WWOX: variants seen among roughly 807,000 people sequenced by gnomAD.
WWOX encodes WW domain-containing oxidoreductase.
WWOX carries 69 observed loss-of-function variants against 46.2 expected under a neutral mutation model. The observed-to-expected ratio is 1.49, with a 90% CI of 1.23 to 1.82. The LOEUF is 1.82. Among genes scored for constraint, WWOX ranks in the 40% most tolerant of loss-of-function variants. The pLI is 0.00. For synonymous variants in WWOX, 359 were observed against 202.6 expected (o/e 1.77, Z -6.56); for missense variants, 919 against 542.6 (o/e 1.69, Z -6.89).
intron 5 of WWOX, among the ~76,000 whole-genome samples, chr16:78,377,659 A>T (rs1383648638): frequency 6.6e-6 from 1 of 152,212 alleles, no homozygotes; most frequent in Non-Finnish European, 1.5e-5. Context: ...AATATATTGC[A>T]TAGAGGGAAA....
intron 5 of WWOX, among the ~76,000 whole-genome samples, chr16:78,195,895 C>G (rs926986811): frequency 6.6e-6 from 1 of 151,002 alleles, no homozygotes; most frequent in African/African-American, 2.4e-5. Context: ...AGATTGAATT[C>G]CGTTCCAACT....
intron 6 of WWOX, among the ~76,000 whole-genome samples, chr16:78,417,040 G>GTGTGTGTGTGTGTGTGTGTGT (rs1555535317): frequency 3.5e-4 from 53 of 151,380 alleles, no homozygotes; most frequent in South Asian, 2.9e-3. Context: ...ACCCTTTGGG[G>GTGTGTGTGTGTGTGTGTGTGT]GTGTGTGTGT....
chr16:78,884,524 C>G (rs558277228), intron 8 of WWOX, among the ~76,000 whole-genome samples: 4 of 152,048 alleles, frequency 2.6e-5, no homozygotes, highest in Non-Finnish European at 5.9e-5. Flanking sequence ...GAATGAATGA[C>G]TTAGAACTAA....
chr16:79,148,967 C>G (rs1468237045), intron 8 of WWOX, among the ~76,000 whole-genome samples: 1 of 151,964 alleles, frequency 6.6e-6, no homozygotes, highest in African/African-American at 2.4e-5. Flanking sequence ...TTCTATCTAG[C>G]CTGTCATGTC....
intron 5 of WWOX, among the ~76,000 whole-genome samples, chr16:78,197,183 G>A (rs182086003): frequency 3.0e-4 from 45 of 152,234 alleles, no homozygotes; most frequent in African/African-American, 6.5e-4. Flanking sequence ...GAGGCTCGGC[G>A]ATACTAAGAA....
chr16:78,407,755 C>A (rs1402483322), intron 6 of WWOX, among the ~76,000 whole-genome samples: 2 of 152,144 alleles, frequency 1.3e-5, no homozygotes, highest in African/African-American at 2.4e-5. Context: ...TCCTGTAGAC[C>A]AAATGCCATA....
At chr16:78,524,167 C>G (rs927009338) in intron 8 of WWOX, among the ~76,000 whole-genome samples, 2 of 152,158 alleles carry the variant, frequency 1.3e-5, no homozygotes, top group African/African-American at 4.8e-5. Context: ...TCTTTCTGCT[C>G]TTTTTCTCTT....
chr16:78,774,568 C>T lies in WWOX; in HGVS notation c.1056+341816C>T, dbSNP rs184412854. On this transcript the variant is annotated intron_variant, in intron 8 of 8. Transcript: ENST00000566780. Reference sequence around the variant, plus strand: ...CACGCATGAGCCTGTACGTGTCCCCCTCCCCCCCCACACATATGCACATAA... The same window carrying T: ...CACGCATGAGCCTGTACGTGTCCCCTTCCCCCCCCACACATATGCACATAA... Among the ~76,000 whole-genome samples the T allele has an allele frequency of 2.0e-5, 3 of 151,868 alleles. No individual in the cohort carries two copies. The East Asian group carries it at 5.9e-4, about 30-fold the overall frequency.
intron 8 of WWOX, among the ~76,000 whole-genome samples, chr16:78,789,697 A>G (rs1054637211): frequency 2.4e-4 from 37 of 152,212 alleles, no homozygotes; most frequent in African/African-American, 5.8e-4. Flanking sequence ...GCAGTGTTCA[A>G]TAACTGGCTT....
chr16:78,533,542 C>T (rs1416792993), intron 8 of WWOX, among the ~76,000 whole-genome samples: 1 of 152,156 alleles, frequency 6.6e-6, no homozygotes, highest in Non-Finnish European at 1.5e-5. Flanking sequence ...GCTTAGTCTA[C>T]AGGTTCTTCA....
chr16:79,027,926 T>C (rs2047678155), intron 8 of WWOX, among the ~76,000 whole-genome samples: 1 of 151,636 alleles, frequency 6.6e-6, no homozygotes, highest in Non-Finnish European at 1.5e-5. Context: ...GAGTTTGCTT[T>C]ATTTTCCTTT....
At chr16:78,840,562 T>C (rs1186477432) in intron 8 of WWOX, among the ~76,000 whole-genome samples, 1 of 152,148 alleles carries the variant, frequency 6.6e-6, no homozygotes, top group East Asian at 1.9e-4. Flanking sequence ...AGCAGTATTG[T>C]TACACAGTTT....
chr16:78,975,058 G>C (rs972729167), intron 8 of WWOX, among the ~76,000 whole-genome samples: 1 of 152,196 alleles, frequency 6.6e-6, no homozygotes, highest in Non-Finnish European at 1.5e-5. Context: ...TATTGTCAAG[G>C]CTGGGCCCCT....
At chr16:79,045,777 T>C (rs2048053029) in intron 8 of WWOX, among the ~76,000 whole-genome samples, 1 of 142,352 alleles carries the variant, frequency 7.0e-6, no homozygotes. Flanking sequence ...CTTTTTTCTT[T>C]TCCTTTTTTT....
chr16:78,615,329 G>A lies in WWOX; in HGVS notation c.1056+182577G>A, dbSNP rs562589133. Among the ~76,000 whole-genome samples, 23 of 152,156 alleles carry A rather than the reference G, an allele frequency of 1.5e-4. No homozygotes were observed. In the South Asian group the frequency reaches 3.7e-3, roughly 25 times the overall value. ...GCCTTTGCTCTCCTCTCCGCGACTC[G>A]GTACCTGGTGTATAGTTGGCTAAAA... On this transcript the variant is annotated intron_variant, in intron 8 of 8. Transcript: ENST00000566780.
At chr16:78,730,673 T>C (rs1161238465) in intron 8 of WWOX, among the ~76,000 whole-genome samples, 1 of 147,682 alleles carries the variant, frequency 6.8e-6, no homozygotes, top group Non-Finnish European at 1.5e-5. Context: ...TTGCCCGGGA[T>C]GGTCTTGAAC....
intron 5 of WWOX, chr16:78,355,837 CAA>C (rs2081274079): frequency 1.5e-6 from 1 of 686,478 alleles, no homozygotes; most frequent in African/African-American, 1.9e-5. Flanking sequence ...TTGGCTGAAA[CAA>C]AGAATTTGTC....
intron 8 of WWOX, among the ~76,000 whole-genome samples, chr16:78,685,820 C>T (rs1226449872): frequency 2.0e-5 from 3 of 151,112 alleles, no homozygotes; most frequent in East Asian, 3.9e-4. Context: ...CTGTTGAGAG[C>T]CTGGTGGGAG....
intron 8 of WWOX, among the ~76,000 whole-genome samples, chr16:78,917,035 T>A (rs1170195963): frequency 1.3e-5 from 2 of 152,328 alleles, no homozygotes; most frequent in East Asian, 1.9e-4. Context: ...TTGGGTCTTA[T>A]GACAAATGTT....
Sources: gnomAD v4.1 joint callset for allele counts (sites outside exome capture counted in the v4.1 genomes callset) on GRCh38, gnomAD v4.1.1 for gene constraint, MANE v1.5 for transcripts, NCBI Gene and HGNC (gene_info 2026-07-23, HGNC 2026-07-21) for gene names.